SP140L: variants seen among roughly 807,000 people sequenced by gnomAD.
The protein encoded by SP140L is nuclear body protein SP140-like protein.
In SP140L, 64 loss-of-function variants were observed where a neutral mutation model predicts 84.3. That is an observed-to-expected ratio of 0.76 (90% CI 0.62 to 0.94). The LOEUF is 0.94. Among genes scored for constraint, SP140L ranks in the 40% least tolerant of loss-of-function variants. SP140L has a pLI of 0.00. For synonymous variants in SP140L, 242 were observed against 236.9 expected, an observed-to-expected ratio of 1.02 and a Z score of -0.20; for missense variants, 628 against 692.5, an observed-to-expected ratio of 0.91 and a Z score of 1.05.
chr2:230,359,540 A>G (rs16827171), intron 4 of SP140L, among the ~76,000 whole-genome samples: 18,842 of 152,166 alleles, frequency 0.12, 1,214 homozygotes, highest in Middle Eastern at 0.15. Flanking sequence ...CTTTGGCATA[A>G]CACCACATAT....
At chr2:230,328,305 A>G (rs1434568049) in intron 1 of SP140L, among the ~76,000 whole-genome samples, 1 of 152,264 alleles carries the variant, frequency 6.6e-6, no homozygotes, top group Non-Finnish European at 1.5e-5. Flanking sequence ...AGTCTTGTGA[A>G]GAGTCTTCGG....
intron 15 of SP140L, 112 bp from the exon 16 acceptor site, chr2:230,400,843 C>T: frequency 6.4e-7 from 1 of 1,569,474 alleles, no homozygotes; most frequent in East Asian, 2.3e-5. Flanking sequence ...TGTTCCCCTC[C>T]CTCCCATGAC....
chr2:230,367,686 G>T (rs2060931577), intron 5 of SP140L, among the ~76,000 whole-genome samples: 1 of 152,192 alleles, frequency 6.6e-6, no homozygotes, highest in Non-Finnish European at 1.5e-5. Context: ...GGTGGCTCAT[G>T]ACTGTAATCC....
At chr2:230,382,643 A>T (rs1228752996) in intron 7 of SP140L, among the ~76,000 whole-genome samples, 1 of 152,184 alleles carries the variant, frequency 6.6e-6, no homozygotes, top group East Asian at 1.9e-4. Flanking sequence ...TACCAGGCTG[A>T]TGGGGAAAGA....
chr2:230,344,692 A>G (rs1476983967), intron 2 of SP140L, among the ~76,000 whole-genome samples: 1 of 151,896 alleles, frequency 6.6e-6, no homozygotes, highest in African/African-American at 2.4e-5. Flanking sequence ...CTTCCTTTCC[A>G]TAGTGTTTTG....
chr2:230,329,701 T>A (rs1438428096), intron 2 of SP140L, among the ~76,000 whole-genome samples: 1 of 152,248 alleles, frequency 6.6e-6, no homozygotes, highest in Non-Finnish European at 1.5e-5. Context: ...TTAAGTTTCC[T>A]GAGGCCTCCC....
chr2:230,358,202 T>G (rs1384169735), intron 3 of SP140L, among the ~76,000 whole-genome samples: 2 of 152,178 alleles, frequency 1.3e-5, no homozygotes, highest in Admixed American at 1.3e-4. Flanking sequence ...TTTGTAGAAT[T>G]CATACACTAT....
At chr2:230,395,160 G>A (rs2061994725) in intron 13 of SP140L, among the ~76,000 whole-genome samples, 1 of 152,132 alleles carries the variant, frequency 6.6e-6, no homozygotes. Context: ...AGTAGAGACA[G>A]GGTTTTGCCA....
Position 230,393,426 on chromosome 2 carries a change from C to A in SP140L, c.1120C>A (p.Pro374Thr). 1 of 1,585,656 alleles carries A rather than the reference C, an allele frequency of 6.3e-7. No individual in the cohort carries two copies. The change falls in exon 13 of 19, where the codon CCT (proline) becomes ACT (threonine). Residue 374 changes from proline (P) to threonine (T), a missense_variant. Coordinates refer to ENST00000415673, the MANE Select transcript of SP140L (RefSeq NM_138402.6). The part of the protein sequence containing the change: ...LRRLMEEGSL[P>T]NPPRIYYRNK... ...TTTTATCTTTCAGGAAGGATCTCTA[C>A]CTAATCCTCCAAGAATATATTACAG...
rs777556646 is a variant in SP140L at position 230,359,018 on chromosome 2, G to C, written c.325G>C (p.Val109Leu). The C allele has an allele frequency of 1.9e-6, 3 of 1,613,332 alleles. No homozygotes were observed. The South Asian group carries it at 3.3e-5, about 18-fold the overall frequency. Residue 109 changes from valine to leucine, a missense_variant, in exon 4 of 19, where the codon GTT becomes CTT. Val to Leu is a conservative substitution (Grantham distance 32). Transcript: ENST00000415673. ...CCCTGTACAAAGAGTGGTGTACAAT[G>C]TTCTCAGTGAACTGGAGAAGACATT... ...LVPVQRVVYN[V>L]LSELEKTFNL...
rs1328164862 is a variant in SP140L, at chr2:230,402,935, T to C, written c.*39T>C. ...TGCTGAAGGCCTTCAGGAAATATGC[T>C]ACTGGTTGCCACTGACTTCAAACTG... On this transcript the variant is annotated 3_prime_UTR_variant, in exon 19 of 19. Coordinates refer to ENST00000415673, the MANE Select transcript of SP140L (RefSeq NM_138402.6). The C allele has an allele frequency of 5.2e-6, 8 of 1,543,152 alleles. No homozygotes were observed. Among genetic ancestry groups the C allele is most frequent in the Non-Finnish European group, 7.1e-6 (8 of 1,131,870 alleles).
intron 5 of SP140L, among the ~76,000 whole-genome samples, chr2:230,364,191 G>C (rs2060802322): frequency 6.6e-6 from 1 of 151,882 alleles, no homozygotes; most frequent in South Asian, 2.1e-4. Context: ...TTCTATTTCA[G>C]AAAAAAATGT....
chr2:230,400,492 G>A, intron 15 of SP140L: 1 of 514,874 alleles, frequency 1.9e-6, no homozygotes, highest in South Asian at 2.3e-5. Context: ...CTACATACTG[G>A]TATTGTCCTT....
Position 230,388,555 on chromosome 2 carries a change from T to G in SP140L, c.785-4T>G, listed in dbSNP as rs374466639. Reference sequence around the variant, plus strand: ...ACTGTGATTTTATTATTCTACTTTCTCAGGGAGAAAGAGAGGCAAACCTGG... The same window carrying G: ...ACTGTGATTTTATTATTCTACTTTCGCAGGGAGAAAGAGAGGCAAACCTGG... On this transcript the variant is annotated splice_polypyrimidine_tract_variant and splice_region_variant and intron_variant, in intron 9 of 18. Coordinates refer to ENST00000415673, the MANE Select transcript of SP140L (RefSeq NM_138402.6). 6 of 1,604,302 alleles carry G rather than the reference T, an allele frequency of 3.7e-6. No homozygotes were observed.
At chr2:230,343,051 G>A (rs1193266867) in intron 2 of SP140L, among the ~76,000 whole-genome samples, 1 of 152,078 alleles carries the variant, frequency 6.6e-6, no homozygotes, top group East Asian at 1.9e-4. Context: ...ATAAGTTTTG[G>A]TGTGTTTTGT....
At position 230,367,283 on chromosome 2, in the gene SP140L, T is replaced by C. The variant is rs1014373351; in HGVS notation, c.524-3625T>C. Among the ~76,000 whole-genome samples the C allele has an allele frequency of 5.7e-5, 6 of 104,706 alleles. No individual in the cohort carries two copies. In the East Asian group the frequency reaches 2.4e-3, roughly 42 times the overall value. The allele number at this position is 104,706 out of a possible 152,430, so 68.7% of individuals were successfully genotyped here. A position where few individuals can be genotyped will look rare whatever the true frequency, so the allele number is the denominator to read the frequency against. Reference sequence around the variant, plus strand: ...CTTTTCTTTTCTTTTTTTTCCTTTCTTTCTTTTTTTTCTTTTTTTTTTTTT... The same window carrying C: ...CTTTTCTTTTCTTTTTTTTCCTTTCCTTCTTTTTTTTCTTTTTTTTTTTTT... On this transcript the variant is annotated intron_variant, in intron 5 of 18. Coordinates refer to ENST00000415673, the MANE Select transcript of SP140L (RefSeq NM_138402.6).
chr2:230,393,397 G>A lies in SP140L; in HGVS notation c.1108-17G>A, dbSNP rs760743378. 12 of 1,578,852 alleles carry A rather than the reference G, an allele frequency of 7.6e-6. No individual in the cohort carries two copies. Among genetic ancestry groups the A allele is most frequent in the African/African-American group, 4.1e-5 (3 of 73,288 alleles). On this transcript the variant is annotated splice_polypyrimidine_tract_variant and intron_variant, in intron 12 of 18. Coordinates refer to ENST00000415673, the MANE Select transcript of SP140L (RefSeq NM_138402.6). ...AAACGCAGGCTGACTATGTACCTTG[G>A]TCTTTTTATCTTTCAGGAAGGATCT...
intron 2 of SP140L, among the ~76,000 whole-genome samples, chr2:230,353,646 T>G (rs2060432822): frequency 6.6e-6 from 1 of 152,238 alleles, no homozygotes; most frequent in East Asian, 1.9e-4. Context: ...ATTCTATCTT[T>G]GATTCCAATT....
intron 15 of SP140L, chr2:230,400,704 C>T: frequency 4.9e-6 from 4 of 809,734 alleles, no homozygotes; most frequent in East Asian, 2.9e-5. Context: ...GCAGCTCAGA[C>T]AGGGAAAGGA....
Sources: allele counts gnomAD v4.1 joint callset (sites outside exome capture counted in the v4.1 genomes callset), GRCh38; gene constraint gnomAD v4.1.1; transcripts MANE v1.5; gene names NCBI Gene and HGNC (gene_info 2026-07-23, HGNC 2026-07-21).